PRDM15: variants seen among roughly 807,000 people sequenced by gnomAD.
The protein encoded by PRDM15 is PR/SET domain 15.
PRDM15 carries 64 observed loss-of-function variants against 128.6 expected under a neutral mutation model. The ratio of observed to expected loss-of-function variants is 0.50; its 90% CI spans 0.41 to 0.61. PRDM15 has a LOEUF of 0.61. Ranked by LOEUF, PRDM15 falls within the 20% of genes least tolerant of loss-of-function variation. The pLI, the probability that PRDM15 is intolerant of heterozygous loss-of-function variation, is 0.00. For synonymous variants in PRDM15, 615 were observed against 621.8 expected (o/e 0.99, Z 0.16); for missense variants, 1,242 against 1,569.1 (o/e 0.79, Z 3.52).
In PRDM15 at chr21:41,859,585, C is replaced by G; in HGVS notation, c.131+7G>C. 6.2e-7 allele frequency: 1 copy of G among 1,612,886 alleles called. No homozygotes were observed. Among genetic ancestry groups the G allele is most frequent in the Non-Finnish European group, 8.5e-7 (1 of 1,179,156 alleles). Reference sequence around the variant, plus strand: ...GGAAGGCCCGGGAGCTCACGGCGGTCACTCACCTTGCCCTGCTTAACACAA... The same window carrying G: ...GGAAGGCCCGGGAGCTCACGGCGGTGACTCACCTTGCCCTGCTTAACACAA... On this transcript the variant is annotated splice_region_variant and intron_variant, in intron 3 of 23. Transcript: ENST00000398548. The surrounding 1 kb of genome is among the most constrained non-coding windows in gnomAD (Gnocchi z 5.3).
chr21:41,818,944 G>A (rs890718974), intron 18 of PRDM15, among the ~76,000 whole-genome samples: 33 of 152,102 alleles, frequency 2.2e-4, no homozygotes, highest in Non-Finnish European at 2.2e-4. Context: ...CTCTCACCAC[G>A]CAGCCGATTC....
intron 11 of PRDM15, among the ~76,000 whole-genome samples, chr21:41,830,093 T>C (rs2062630260): frequency 6.9e-6 from 1 of 145,966 alleles, no homozygotes; most frequent in Admixed American, 6.8e-5. Context: ...ATACTCAACA[T>C]ACACCACAAA....
At position 41,821,920 on chromosome 21, in the gene PRDM15, T is replaced by C; in HGVS notation, c.1879A>G (p.Ser627Gly). The C allele has an allele frequency of 1.2e-6, 2 of 1,614,162 alleles. No individual in the cohort carries two copies. The highest frequency in any genetic ancestry group is 4.5e-5 in the East Asian group (2 of 44,880). Residue 627 changes from serine to glycine, a missense_variant, in exon 15 of 24, where the codon AGC becomes GGC. Ser to Gly is a moderately conservative substitution (Grantham distance 56). Transcript: ENST00000398548. The surrounding 1 kb of genome is among the most constrained non-coding windows in gnomAD (Gnocchi z 5.4). The stretch of plus-strand genomic sequence containing the variant: ...CGCCATACCTGGCACCGCTTGCAGC[T>C]GTACTTGTGAGGCTCCGAGTCTGCG... ...ESADSEPHKY[S>G]CKRCQLTFGR...
intron 1 of PRDM15, among the ~76,000 whole-genome samples, chr21:41,863,541 T>G (rs575357683): frequency 3.3e-5 from 5 of 151,582 alleles, no homozygotes; most frequent in African/African-American, 1.2e-4. Context: ...ACCAAACTTA[T>G]CAGAAATGTC....
chr21:41,836,883 T>C, intron 8 of PRDM15: 1 of 378,430 alleles, frequency 2.6e-6, no homozygotes, highest in Non-Finnish European at 4.8e-6. Context: ...CACCTGACTC[T>C]GTTCTAACTC....
intron 6 of PRDM15, among the ~76,000 whole-genome samples, 175 bp from the exon 7 acceptor site, chr21:41,840,028 T>C (rs886848838): frequency 6.6e-6 from 1 of 152,230 alleles, no homozygotes; most frequent in Admixed American, 6.5e-5. Flanking sequence ...ACAACTGCTA[T>C]TTTGAAAAGT....
intron 1 of PRDM15, chr21:41,871,345 C>T: frequency 3.5e-6 from 1 of 288,978 alleles, no homozygotes; most frequent in Non-Finnish European, 6.5e-6. Context: ...CCCACCCCCA[C>T]CCCCCAACCT....
At position 41,810,368 on chromosome 21, in the gene PRDM15, G is replaced by C; in HGVS notation, c.2477-39C>G. ...CGCAGACACACATGCGCGTGGAAAG[G>C]AAGAGACACGCAGGTCACTAGTGCA... On this transcript the variant is annotated intron_variant, in intron 20 of 23. Transcript: ENST00000398548. The surrounding 1 kb of genome is among the most constrained non-coding windows in gnomAD (Gnocchi z 6.4). 1 of 1,586,180 alleles carries C rather than the reference G, an allele frequency of 6.3e-7. No individual in the cohort carries two copies.
chr21:41,878,767 C>A (rs1208674241), intron 1 of PRDM15: 4 of 1,480,968 alleles, frequency 2.7e-6, no homozygotes, highest in Admixed American at 2.2e-5. Context: ...GGGCTGTACC[C>A]GAGGGCGGGG....
At position 41,859,339 on chromosome 21, in the gene PRDM15, G is replaced by A. The variant is rs2063740063; in HGVS notation, c.131+253C>T. 3.0e-6 allele frequency: 3 copies of A among 995,098 alleles called. No homozygotes were observed. Among genetic ancestry groups the A allele is most frequent in the Non-Finnish European group, 4.5e-6 (3 of 662,274 alleles). 61.6% of individuals were successfully genotyped at this position (995,098 alleles called of 1,614,324 possible). On this transcript the variant is annotated intron_variant, in intron 3 of 23. Coordinates refer to ENST00000398548, the MANE Select transcript of PRDM15 (RefSeq NM_001040424.3). This position sits in a 1 kb window ranked among gnomAD's most constrained non-coding sequence, Gnocchi z 5.3. ...TCTGCAGCCTCCACACACTGTGTCG[G>A]GAACAGCTGGGCTCCAGCTAAGAAC...
rs1264010335 is a variant in PRDM15, at chr21:41,811,720, G to C, written c.2393-884C>G. ...TTTTTTTGAGACAGCGTCTCACTCT[G>C]TTGCCCAGGTTGGAGTGCAGCGGCG... is the stretch of plus-strand genomic sequence containing the variant. On this transcript the variant is annotated intron_variant, in intron 19 of 23. Coordinates refer to ENST00000398548, the MANE Select transcript of PRDM15 (RefSeq NM_001040424.3). This position sits in a 1 kb window ranked among gnomAD's most constrained non-coding sequence, Gnocchi z 4.1. 1 of 144,268 alleles carries C rather than the reference G, an allele frequency of 6.9e-6. No homozygotes were observed. The highest frequency in any genetic ancestry group is 2.0e-4 in the East Asian group (1 of 4,950). The allele number at this position is 144,268 out of a possible 1,614,324, so 8.9% of individuals were successfully genotyped here. A position where few individuals can be genotyped will look rare whatever the true frequency, so the allele number is the denominator to read the frequency against.
intron 13 of PRDM15, 118 bp from the exon 14 acceptor site, chr21:41,823,567 A>T (rs1220866178): frequency 9.4e-7 from 1 of 1,068,168 alleles, no homozygotes; most frequent in African/African-American, 1.6e-5. Flanking sequence ...ACTGTGCTCC[A>T]GGCCTTGCAT....
chr21:41,818,819 G>A (rs2062144321), intron 18 of PRDM15, among the ~76,000 whole-genome samples: 1 of 152,106 alleles, frequency 6.6e-6, no homozygotes, highest in Non-Finnish European at 1.5e-5. Flanking sequence ...ATTATGATGT[G>A]TACTGGAATT....
rs1322155451 is a variant in PRDM15 at position 41,806,782 on chromosome 21, T to C, written c.2653-2168A>G. On this transcript the variant is annotated intron_variant, in intron 21 of 23. Transcript: ENST00000398548. ...GCCACCACCATCACTACCACTTCCA[T>C]CACCATTACCACCATCACCGCCTCC... Among the ~76,000 whole-genome samples the C allele has an allele frequency of 4.7e-4, 67 of 143,504 alleles. 1 individual carries two copies. The highest frequency in any genetic ancestry group is 4.8e-4 in the Admixed American group (7 of 14,576). 94.1% of individuals were successfully genotyped at this position (143,504 alleles called of 152,430 possible). A position where few individuals can be genotyped will look rare whatever the true frequency, so the allele number is the denominator to read the frequency against.
chr21:41,859,320 G>T lies in PRDM15; in HGVS notation c.131+272C>A. ...ACCTTGGCAAGTCCACTCTTCTGCA[G>T]CCTCCACACACTGTGTCGGGAACAG... On this transcript the variant is annotated intron_variant, in intron 3 of 23. Transcript: ENST00000398548. The surrounding 1 kb of genome is among the most constrained non-coding windows in gnomAD (Gnocchi z 5.3). 3.4e-6 allele frequency: 4 copies of T among 1,174,212 alleles called. No individual in the cohort carries two copies. Among genetic ancestry groups the T allele is most frequent in the South Asian group, 1.4e-5 (1 of 72,220 alleles). 72.7% of individuals were successfully genotyped at this position (1,174,212 alleles called of 1,614,324 possible).
Position 41,810,260 on chromosome 21 carries a change from A to C in PRDM15, c.2546T>G (p.Val849Gly). The stretch of plus-strand genomic sequence containing the variant: ...CTCCACCTTGTCGTGTGTGAGCTGA[A>C]CGTGCTTCTGCAGCATGTACTCGGT... The part of the protein sequence containing the change: ...YVTEYMLQKH[V>G]QLTHDKVEAQ... Residue 849 changes from valine (V) to glycine (G), a missense_variant, in exon 21 of 24, where the codon GTT (valine) becomes GGT (glycine). By Grantham distance (109) the Val-to-Gly change is moderately radical. Coordinates refer to ENST00000398548, the MANE Select transcript of PRDM15 (RefSeq NM_001040424.3). This position sits in a 1 kb window ranked among gnomAD's most constrained non-coding sequence, Gnocchi z 6.4. The C allele has an allele frequency of 1.9e-6, 3 of 1,613,450 alleles. No homozygotes were observed. The highest frequency in any genetic ancestry group is 1.7e-6 in the Non-Finnish European group (2 of 1,179,914).
Position 41,862,065 on chromosome 21 carries a change from G to A in PRDM15, c.-9-1693C>T. 8.0e-7 allele frequency: 1 copy of A among 1,248,802 alleles called. No homozygotes were observed. Among genetic ancestry groups the A allele is most frequent in the Non-Finnish European group, 1.2e-6 (1 of 859,586 alleles). 77.4% of individuals were successfully genotyped at this position (1,248,802 alleles called of 1,614,324 possible). A position where few individuals can be genotyped will look rare whatever the true frequency, so the allele number is the denominator to read the frequency against. On this transcript the variant is annotated intron_variant, in intron 1 of 23. Transcript: ENST00000398548. This position sits in a 1 kb window ranked among gnomAD's most constrained non-coding sequence, Gnocchi z 4.1. ...CAGTCTGGGATGGGGGCTCAGCTGGGCAGTGAGCAGGAGATGAACAGGACA... is the reference window on the plus strand; with the variant it reads ...CAGTCTGGGATGGGGGCTCAGCTGGACAGTGAGCAGGAGATGAACAGGACA...
intron 5 of PRDM15, among the ~76,000 whole-genome samples, chr21:41,853,663 G>A (rs1441984883): frequency 1.3e-5 from 2 of 152,166 alleles, no homozygotes; most frequent in Admixed American, 6.5e-5. Flanking sequence ...CCCTGACCCC[G>A]GCTTAGCAGG....
At chr21:41,839,951 T>G in intron 6 of PRDM15, 98 bp from the exon 7 acceptor site, 1 of 989,542 alleles carries the variant, frequency 1.0e-6, no homozygotes, top group Non-Finnish European at 1.5e-6. Context: ...GTTTTCAATC[T>G]TGTTTGCCAA....
Sources: allele counts gnomAD v4.1 joint callset (sites outside exome capture counted in the v4.1 genomes callset), GRCh38; gene constraint gnomAD v4.1.1; non-coding constraint Gnocchi (gnomAD v3.1); transcripts MANE v1.5; gene names NCBI Gene and HGNC (gene_info 2026-07-23, HGNC 2026-07-21).